Variants in ROBO2 observed in about 807,000 individuals in gnomAD.
ROBO2 encodes the protein roundabout homolog 2.
ROBO2 carries 53 observed loss-of-function variants against 160.8 expected under a neutral mutation model. That is an observed-to-expected ratio of 0.33 (90% CI 0.26 to 0.41). The LOEUF is 0.41. ROBO2 is among the 10% of genes least tolerant of loss of function. ROBO2 has a pLI of 1.00. For synonymous variants in ROBO2, 664 were observed against 611.7 expected (o/e 1.09, Z -1.26); for missense variants, 1,577 against 1,722.4 (o/e 0.92, Z 1.49).
chr3:76,694,156 C>CA (rs1251891111), intron 2 of ROBO2, among the ~76,000 whole-genome samples: 2 of 152,210 alleles, frequency 1.3e-5, no homozygotes, highest in African/African-American at 4.8e-5. Context: ...TCACTTACAT[C>CA]AGTCGTGCAC....
intron 5 of ROBO2, among the ~76,000 whole-genome samples, chr3:77,521,658 T>C (rs547108484): frequency 6.6e-6 from 1 of 151,208 alleles, no homozygotes; most frequent in African/African-American, 2.4e-5. Flanking sequence ...GTTGGCATGA[T>C]TGGTAAATAG....
At chr3:76,560,184 G>A (rs974599444) in intron 2 of ROBO2, among the ~76,000 whole-genome samples, 1 of 151,986 alleles carries the variant, frequency 6.6e-6, no homozygotes, top group African/African-American at 2.4e-5. Flanking sequence ...TATGCCAGTT[G>A]ATCACAAAGC....
intron 2 of ROBO2, among the ~76,000 whole-genome samples, chr3:76,921,555 T>G (rs2076663693): frequency 6.6e-6 from 1 of 152,180 alleles, no homozygotes; most frequent in African/African-American, 2.4e-5. Flanking sequence ...GAGGTTGTAG[T>G]GTGCCGGGAT....
intron 2 of ROBO2, among the ~76,000 whole-genome samples, chr3:76,158,383 G>T (rs1248515747): frequency 6.6e-6 from 1 of 151,528 alleles, no homozygotes; most frequent in Non-Finnish European, 1.5e-5. Flanking sequence ...CTCCAGACCA[G>T]CAGTCTCCAA....
chr3:77,040,382 G>A lies in ROBO2; in HGVS notation c.-404G>A, dbSNP rs79942150. 4.0e-6 allele frequency: 4 copies of A among 1,008,888 alleles called. No homozygotes were observed. Among genetic ancestry groups the A allele is most frequent in the Non-Finnish European group, 4.7e-6 (4 of 845,902 alleles). The allele number at this position is 1,008,888 out of a possible 1,614,324, so 62.5% of individuals were successfully genotyped here. On this transcript the variant is annotated 5_prime_UTR_variant, in exon 1 of 26. The change creates a new upstream start codon in the 5' untranslated region. Coordinates refer to ENST00000461745, the Ensembl canonical transcript of ROBO2. Reference sequence around the variant, plus strand: ...TTTTCGGCAGCGCGCTGGCAAGTTTGTGGAACACTTTCTAGGAATTAGGTC... The same window carrying A: ...TTTTCGGCAGCGCGCTGGCAAGTTTATGGAACACTTTCTAGGAATTAGGTC...
intron 2 of ROBO2, among the ~76,000 whole-genome samples, chr3:76,139,829 C>A (rs753887858): frequency 2.0e-5 from 3 of 152,044 alleles, no homozygotes; most frequent in African/African-American, 7.2e-5. Context: ...GGTGAAGTTT[C>A]GTTTCCAATC....
At chr3:77,392,860 G>A (rs964837809) in intron 2 of ROBO2, among the ~76,000 whole-genome samples, 9 of 152,172 alleles carry the variant, frequency 5.9e-5, no homozygotes, top group East Asian at 1.9e-4. Context: ...GGTCTGTTCC[G>A]TGTTATACAT....
At chr3:76,481,160 G>T (rs2079186011) in intron 2 of ROBO2, among the ~76,000 whole-genome samples, 1 of 152,056 alleles carries the variant, frequency 6.6e-6, no homozygotes, top group Non-Finnish European at 1.5e-5. Flanking sequence ...AATTGATGTT[G>T]GCTCAGAGGC....
At chr3:77,576,211 A>G (rs956311116) in intron 14 of ROBO2, among the ~76,000 whole-genome samples, 2 of 152,144 alleles carry the variant, frequency 1.3e-5, no homozygotes, top group Non-Finnish European at 2.9e-5. Context: ...TGTCACAAAG[A>G]GGAATAGGAA....
At chr3:76,511,804 T>C (rs984524154) in intron 2 of ROBO2, among the ~76,000 whole-genome samples, 2 of 152,208 alleles carry the variant, frequency 1.3e-5, no homozygotes, top group Admixed American at 6.5e-5. Context: ...TGACTTCCTT[T>C]CATATGCAAA....
chr3:77,124,085 A>C (rs886118769), intron 2 of ROBO2, among the ~76,000 whole-genome samples: 1 of 151,914 alleles, frequency 6.6e-6, no homozygotes, highest in African/African-American at 2.4e-5. Context: ...ATCCTACTGG[A>C]AATCCCAGTG....
At chr3:77,280,016 C>T (rs190369335) in intron 2 of ROBO2, among the ~76,000 whole-genome samples, 7 of 151,994 alleles carry the variant, frequency 4.6e-5, no homozygotes, top group Non-Finnish European at 8.8e-5. Flanking sequence ...GGTCATAACC[C>T]TCCTCTGTTT....
chr3:76,614,662 A>G (rs1017096070), intron 2 of ROBO2, among the ~76,000 whole-genome samples: 1 of 152,172 alleles, frequency 6.6e-6, no homozygotes, highest in African/African-American at 2.4e-5. Flanking sequence ...TTTATCAACA[A>G]TGGTTTAATT....
intron 2 of ROBO2, among the ~76,000 whole-genome samples, chr3:76,238,297 A>G (rs558887468): frequency 3.3e-5 from 5 of 152,296 alleles, no homozygotes; most frequent in African/African-American, 1.2e-4. Flanking sequence ...ACTTATAATC[A>G]TAGGGGAATG....
At chr3:77,504,186 T>C (rs73103697) in intron 5 of ROBO2, among the ~76,000 whole-genome samples, 5,416 of 152,278 alleles carry the variant, frequency 0.036, 126 homozygotes, top group Non-Finnish European at 0.053. Context: ...AAGATCTCAG[T>C]ATAAAAATTC....
chr3:77,370,089 G>A (rs1417283361), intron 2 of ROBO2, among the ~76,000 whole-genome samples: 3 of 152,176 alleles, frequency 2.0e-5, no homozygotes, highest in Non-Finnish European at 2.9e-5. Flanking sequence ...GTATTGTAAT[G>A]TTTCTGAAAT....
intron 2 of ROBO2, among the ~76,000 whole-genome samples, chr3:76,189,286 T>G (rs551840712): frequency 6.6e-6 from 1 of 152,202 alleles, no homozygotes; most frequent in East Asian, 1.9e-4. Context: ...GAGAAAGTAT[T>G]CAACACAATG....
intron 2 of ROBO2, among the ~76,000 whole-genome samples, chr3:76,421,418 T>C (rs1382909120): frequency 6.6e-6 from 1 of 152,186 alleles, no homozygotes; most frequent in African/African-American, 2.4e-5. Flanking sequence ...TTTTGATTAT[T>C]CATTTCTTCT....
Position 76,702,648 on chromosome 3 carries a change from G to A in ROBO2, c.110-395366G>A, listed in dbSNP as rs114559937. 1.0e-3 allele frequency among the ~76,000 whole-genome samples: 154 copies of A among 152,026 alleles called. 1 individual carries two copies. The highest frequency in any genetic ancestry group is 3.5e-3 in the African/African-American group (145 of 41,484). On this transcript the variant is annotated intron_variant, in intron 2 of 26. Coordinates refer to the ROBO2 transcript ENST00000487694. The stretch of plus-strand genomic sequence containing the variant: ...TTGTGATGATAGATGTTGAATCGAA[G>A]TTTTGTCAAAAACAAAATGAACGTT...
Sources: allele counts gnomAD v4.1 joint callset (sites outside exome capture counted in the v4.1 genomes callset), GRCh38; gene constraint gnomAD v4.1.1; transcripts MANE v1.5; gene names NCBI Gene and HGNC (gene_info 2026-07-23, HGNC 2026-07-21).